Variants in DYSF observed in about 807,000 individuals in gnomAD.
The protein encoded by DYSF is dystrophy-associated fer-1-like 1.
A neutral mutation model predicts 274.9 loss-of-function variants in DYSF; 212 were observed. The observed-to-expected ratio is 0.77, with a 90% CI of 0.69 to 0.86. The LOEUF (loss-of-function observed/expected upper bound fraction) is 0.86. DYSF is among the 40% of genes least tolerant of loss of function. DYSF has a pLI of 0.00. For synonymous variants in DYSF, 1,091 were observed against 1,078.7 expected (o/e 1.01, Z -0.22); for missense variants, 2,666 against 2,783.2 (o/e 0.96, Z 0.95).
chr2:71,562,079 T>A, intron 23 of DYSF, 135 bp downstream of exon 23: 2 of 1,250,712 alleles, frequency 1.6e-6, no homozygotes, highest in Non-Finnish European at 2.3e-6. Context: ...GCAGGTGACT[T>A]AACCTCTCTG....
chr2:71,467,923 A>T (rs571915340), intron 1 of DYSF, among the ~76,000 whole-genome samples: 1 of 152,120 alleles, frequency 6.6e-6, no homozygotes, highest in Non-Finnish European at 1.5e-5. Context: ...TTTCAGTCTG[A>T]CCCATGATCT....
intron 26 of DYSF, among the ~76,000 whole-genome samples, chr2:71,568,595 T>G (rs1367183537): frequency 6.6e-6 from 1 of 151,612 alleles, no homozygotes; most frequent in East Asian, 1.9e-4. Flanking sequence ...AGAGTCTCAC[T>G]CTGTTTGGAG....
chr2:71,501,881 C>T (rs2152713352), intron 3 of DYSF, among the ~76,000 whole-genome samples: 1 of 152,114 alleles, frequency 6.6e-6, no homozygotes, highest in African/African-American at 2.4e-5. Context: ...TATCTAGGTC[C>T]CTGATTTCAA....
At chr2:71,501,133 A>C (rs1028623054) in intron 3 of DYSF, among the ~76,000 whole-genome samples, 3 of 152,128 alleles carry the variant, frequency 2.0e-5, no homozygotes, top group Admixed American at 2.0e-4. Flanking sequence ...GCTGTGAAGG[A>C]ATGGAACACA....
rs765904804 is a variant in DYSF, at chr2:71,601,510, C to G, written c.3909C>G (p.His1303Gln). Reference sequence around the variant, plus strand: ...TTTCTTCACTCCAGCCGGCCATCCACCATATTCCTGGTTTTGAGGTAAGTC... The same window carrying G: ...TTTCTTCACTCCAGCCGGCCATCCAGCATATTCCTGGTTTTGAGGTAAGTC... Reference protein sequence around the residue: ...ELIQREKPAIHHIPGFEVQET... With the variant: ...ELIQREKPAIQHIPGFEVQET... The change falls in exon 35 of 56, where the codon CAC becomes CAG. Residue 1303 changes from histidine (H) to glutamine (Q), a missense_variant. His to Gln is a conservative substitution (Grantham distance 24, BLOSUM62 0). Around this residue, in one of 3 missense-constraint regions of DYSF, gnomAD observed 1,460 missense variants for 1,502.1 expected, o/e 0.97. Coordinates refer to ENST00000410020, the MANE Select transcript of DYSF (RefSeq NM_001130987.2). The G allele has an allele frequency of 6.2e-7, 1 of 1,614,222 alleles. No individual in the cohort carries two copies. Among genetic ancestry groups the G allele is most frequent in the Non-Finnish European group, 8.5e-7 (1 of 1,180,048 alleles).
At position 71,459,331 on chromosome 2, in the gene DYSF, G is replaced by A. The variant is rs562575569; in HGVS notation, c.88+5245G>A. 8.4e-4 allele frequency among the ~76,000 whole-genome samples: 128 copies of A among 152,330 alleles called. 2 individuals are homozygous for A. The highest frequency in any genetic ancestry group is 1.5e-3 in the Admixed American group (23 of 15,298). On this transcript the variant is annotated intron_variant, in intron 1 of 54. Coordinates refer to the DYSF transcript ENST00000258104. ...CCAGAGGAGAACTGGCCCAACTCCAGCAGCAAGAGATGATTAGAAGCATGC... is the reference window on the plus strand; with the variant it reads ...CCAGAGGAGAACTGGCCCAACTCCAACAGCAAGAGATGATTAGAAGCATGC...
At chr2:71,580,191 T>G (rs2152831236) in intron 30 of DYSF, among the ~76,000 whole-genome samples, 1 of 152,200 alleles carries the variant, frequency 6.6e-6, no homozygotes, top group East Asian at 1.9e-4. Context: ...CCTCACCTGA[T>G]AGCCAGGCAG....
At chr2:71,513,015 G>A (rs1227022266) in intron 5 of DYSF, among the ~76,000 whole-genome samples, 2 of 152,164 alleles carry the variant, frequency 1.3e-5, no homozygotes, top group East Asian at 3.9e-4. Flanking sequence ...TGTTGAGGTG[G>A]ATCTGACAGA....
Position 71,535,682 on chromosome 2 carries a change from G to T in DYSF, c.1493+371G>T, listed in dbSNP as rs555947813. Among the ~76,000 whole-genome samples the T allele has an allele frequency of 3.3e-5, 5 of 152,250 alleles. No homozygotes were observed. The East Asian group carries it at 9.7e-4, about 29-fold the overall frequency. The stretch of plus-strand genomic sequence containing the variant: ...CTAAGGGAAGGGTCTGAAAAGAGCA[G>T]AGCTTCAGGGAGGATGGGCTGCGGT... On this transcript the variant is annotated intron_variant, in intron 16 of 55. Transcript: ENST00000410020.
chr2:71,617,602 G>A (rs900527707), intron 40 of DYSF, among the ~76,000 whole-genome samples: 14 of 149,992 alleles, frequency 9.3e-5, no homozygotes, highest in African/African-American at 3.4e-4. Context: ...GGTAGAGGTG[G>A]TGTGTGTGTA....
intron 43 of DYSF, among the ~76,000 whole-genome samples, chr2:71,656,789 A>C (rs1455322650): frequency 1.3e-5 from 2 of 152,168 alleles, no homozygotes; most frequent in African/African-American, 2.4e-5. Flanking sequence ...CCACGAGAAT[A>C]GCACGAGAAA....
intron 24 of DYSF, among the ~76,000 whole-genome samples, chr2:71,565,311 G>A (rs1008579534): frequency 2.7e-5 from 4 of 148,218 alleles, no homozygotes; most frequent in Non-Finnish European, 5.9e-5. Context: ...GGCTGGTCTC[G>A]AAATCCTGAC....
At position 71,681,220 on chromosome 2, in the gene DYSF, T is replaced by G. The variant is rs978180671; in HGVS notation, c.6173+110T>G. On this transcript the variant is annotated intron_variant, in intron 54 of 55. Coordinates refer to ENST00000410020, the MANE Select transcript of DYSF (RefSeq NM_001130987.2). ...GTAGAAGTCACAAAGCCCACGTGGCTCAGAGAGGGGCACGACTCATCCAAG... is the reference window on the plus strand; with the variant it reads ...GTAGAAGTCACAAAGCCCACGTGGCGCAGAGAGGGGCACGACTCATCCAAG... 5.8e-6 allele frequency: 6 copies of G among 1,028,118 alleles called. No homozygotes were observed. In the African/African-American group the frequency reaches 6.3e-5, roughly 11 times the overall value. The allele number at this position is 1,028,118 out of a possible 1,614,324, so 63.7% of individuals were successfully genotyped here.
intron 17 of DYSF, among the ~76,000 whole-genome samples, chr2:71,546,369 C>T (rs1378225357): frequency 2.0e-5 from 3 of 152,224 alleles, no homozygotes; most frequent in South Asian, 2.1e-4. Flanking sequence ...TGTATTTCCC[C>T]GCCTCAGGGT....
intron 19 of DYSF, among the ~76,000 whole-genome samples, chr2:71,552,048 C>G (rs933333983): frequency 2.6e-5 from 4 of 152,202 alleles, no homozygotes; most frequent in African/African-American, 9.6e-5. Flanking sequence ...GAACATGTAT[C>G]AGGCACTGTG....
rs2152803972 is a variant in DYSF, at chr2:71,561,902, G to A, written c.2367G>A (p.Gln789=). 1.2e-6 allele frequency: 2 copies of A among 1,614,184 alleles called. No individual in the cohort carries two copies. Among genetic ancestry groups the A allele is most frequent in the Non-Finnish European group, 1.7e-6 (2 of 1,180,026 alleles). Residue 789 remains glutamine (Q), a synonymous_variant, in exon 23 of 56, where the codon CAG becomes CAA. Transcript: ENST00000410020. ...GTGAGCTCCCTGCAGCTCTGGAGCA[G>A]GCGGAGGACTGGCTCCTGCGTCTGC... The part of the protein sequence containing the change: ...GHSELPAALE[Q]AEDWLLRLRA...
rs1200679183 is a variant in DYSF at position 71,570,240 on chromosome 2, G to A, written c.2991G>A (p.Lys997=). 6.2e-7 allele frequency: 1 copy of A among 1,614,118 alleles called. No homozygotes were observed. Among genetic ancestry groups the A allele is most frequent in the Non-Finnish European group, 8.5e-7 (1 of 1,179,984 alleles). ...SDNYTDVNGE[K]VLPKDDIECP... is the part of the protein sequence containing the mutation. ...GGTTTTGTCCTTAGAACGGGGAGAA[G>A]GTGCTTCCCAAGGATGACATTGAGT... Residue 997 remains lysine, a synonymous_variant, in exon 28 of 56, where the codon AAG becomes AAA. Coordinates refer to ENST00000410020, the MANE Select transcript of DYSF (RefSeq NM_001130987.2).
At chr2:71,682,724 G>A in intron 55 of DYSF, 47 bp downstream of exon 55, 1 of 1,589,264 alleles carries the variant, frequency 6.3e-7, no homozygotes, top group Non-Finnish European at 8.6e-7. Context: ...TGGGTCTAAT[G>A]GGGGAGTTCA....
chr2:71,501,890 A>C (rs1381480639), intron 3 of DYSF, among the ~76,000 whole-genome samples: 5 of 152,060 alleles, frequency 3.3e-5, no homozygotes. Context: ...CCCTGATTTC[A>C]ATTTTTTTGG....
Sources: gnomAD v4.1 joint callset for allele counts (sites outside exome capture counted in the v4.1 genomes callset) on GRCh38, gnomAD v4.1.1 for gene constraint, gnomAD v4.1.1 regional missense constraint, MANE v1.5 for transcripts, NCBI Gene and HGNC (gene_info 2026-07-23, HGNC 2026-07-21) for gene names.